TAFA2: variants seen among roughly 807,000 people sequenced by gnomAD.
TAFA2 encodes TAFA chemokine like family member 2.
A neutral mutation model predicts 18.8 loss-of-function variants in TAFA2; 7 were observed. That is an observed-to-expected ratio of 0.37 (90% CI 0.21 to 0.70). The LOEUF (loss-of-function observed/expected upper bound fraction) is 0.70. Among genes scored for constraint, TAFA2 ranks in the 30% least tolerant of loss-of-function variants. TAFA2 has a pLI of 0.53. For synonymous variants in TAFA2, 60 were observed against 54.2 expected (o/e 1.11, Z -0.47); for missense variants, 122 against 158.1 (o/e 0.77, Z 1.23).
chr12:62,142,346 T>G (rs1357360701), intron 1 of TAFA2, among the ~76,000 whole-genome samples: 2 of 152,206 alleles, frequency 1.3e-5, no homozygotes, highest in Non-Finnish European at 2.9e-5. Context: ...TTATAAATAC[T>G]GTAAGAAAAC....
At chr12:61,722,883 C>T (rs904733052) in intron 4 of TAFA2, among the ~76,000 whole-genome samples, 1 of 152,148 alleles carries the variant, frequency 6.6e-6, no homozygotes, top group South Asian at 2.1e-4. Flanking sequence ...TCTTTGCCAC[C>T]ATCATCCTGA....
At chr12:61,878,824 C>T (rs2121263788) in intron 1 of TAFA2, among the ~76,000 whole-genome samples, 1 of 152,250 alleles carries the variant, frequency 6.6e-6, no homozygotes, top group Non-Finnish European at 1.5e-5. Context: ...TCTATTTCCC[C>T]ACAAAGTATC....
At chr12:61,806,118 G>A (rs1300038768) in intron 2 of TAFA2, among the ~76,000 whole-genome samples, 1 of 152,100 alleles carries the variant, frequency 6.6e-6, no homozygotes, top group Non-Finnish European at 1.5e-5. Flanking sequence ...TTTTACTTTT[G>A]TATTTTATAT....
intron 2 of TAFA2, among the ~76,000 whole-genome samples, chr12:61,772,572 A>G (rs12371231): frequency 0.3 from 45,771 of 151,938 alleles, 7,257 homozygotes; most frequent in South Asian, 0.37. Context: ...GCAAGTCAAT[A>G]AATGCATTAC....
chr12:62,208,020 G>T (rs1409731135), intron 1 of TAFA2, among the ~76,000 whole-genome samples: 5 of 152,138 alleles, frequency 3.3e-5, no homozygotes, highest in African/African-American at 1.2e-4. Context: ...AGTGAGATGG[G>T]CAATCTTGGT....
chr12:62,217,386 A>AT (rs143613794), intron 1 of TAFA2, among the ~76,000 whole-genome samples: 3,053 of 152,300 alleles, frequency 0.02, 43 homozygotes, highest in African/African-American at 0.042. Flanking sequence ...GTTACACACC[A>AT]TTTTTTAAAA....
At chr12:61,929,538 C>A (rs996837071) in intron 1 of TAFA2, among the ~76,000 whole-genome samples, 1 of 152,058 alleles carries the variant, frequency 6.6e-6, no homozygotes, top group Non-Finnish European at 1.5e-5. Flanking sequence ...GAAATAGGAA[C>A]GTTTTTACAC....
intron 2 of TAFA2, among the ~76,000 whole-genome samples, chr12:61,796,855 G>T (rs186638712): frequency 5.3e-5 from 8 of 152,178 alleles, no homozygotes; most frequent in Admixed American, 1.3e-4. Context: ...GAAATGGCAT[G>T]GAGTCATGGT....
At position 62,192,321 on chromosome 12, in the gene TAFA2, G is replaced by C. The variant is rs1317016419; in HGVS notation, c.-1064C>G. On this transcript the variant is annotated 5_prime_UTR_variant, in exon 1 of 5. Transcript: ENST00000416284. ...AGTGCCCTGGCACCGTCACCACCGA[G>C]GAGGTGCGAGTTCCAACATCGAACA... 6.6e-6 allele frequency: 1 copy of C among 152,262 alleles called. No homozygotes were observed. The highest frequency in any genetic ancestry group is 1.5e-5 in the Non-Finnish European group (1 of 68,082). 9.4% of individuals were successfully genotyped at this position (152,262 alleles called of 1,614,324 possible). A position where few individuals can be genotyped will look rare whatever the true frequency, so the allele number is the denominator to read the frequency against.
intron 4 of TAFA2, among the ~76,000 whole-genome samples, chr12:61,726,634 A>G (rs1350690907): frequency 1.3e-5 from 2 of 151,916 alleles, no homozygotes; most frequent in East Asian, 3.9e-4. Flanking sequence ...AGCTTTTTGG[A>G]TGAGTCCTTA....
intron 1 of TAFA2, among the ~76,000 whole-genome samples, chr12:62,152,816 A>G (rs561347986): frequency 5.3e-5 from 8 of 152,336 alleles, no homozygotes; most frequent in African/African-American, 1.9e-4. Context: ...CCAGTTCTCC[A>G]GAAAATATTC....
chr12:62,101,760 T>C (rs1373964650), intron 1 of TAFA2, among the ~76,000 whole-genome samples: 4 of 152,208 alleles, frequency 2.6e-5, no homozygotes, highest in South Asian at 4.1e-4. Context: ...AGTCTAATAC[T>C]AGCCAATGGT....
At chr12:62,179,680 T>G (rs903300464) in intron 1 of TAFA2, among the ~76,000 whole-genome samples, 1 of 152,170 alleles carries the variant, frequency 6.6e-6, no homozygotes, top group African/African-American at 2.4e-5. Flanking sequence ...CCCCAAGAAT[T>G]TCAATGGATT....
chr12:61,769,583 C>G (rs1483496873), intron 2 of TAFA2, among the ~76,000 whole-genome samples: 2 of 152,140 alleles, frequency 1.3e-5, no homozygotes, highest in South Asian at 2.1e-4. Flanking sequence ...AGACACCCCC[C>G]AGTACTTGCC....
chr12:61,796,538 G>A (rs964366799), intron 2 of TAFA2, among the ~76,000 whole-genome samples: 2 of 152,052 alleles, frequency 1.3e-5, no homozygotes, highest in Non-Finnish European at 2.9e-5. Flanking sequence ...TTGGGAACTA[G>A]GGTGACTGGG....
chr12:61,918,925 G>C (rs1272287291), intron 1 of TAFA2, among the ~76,000 whole-genome samples: 1 of 152,142 alleles, frequency 6.6e-6, no homozygotes, highest in Non-Finnish European at 1.5e-5. Context: ...TTAATACCTG[G>C]CCTTTGCCTG....
intron 1 of TAFA2, among the ~76,000 whole-genome samples, chr12:61,978,211 T>C (rs1435544725): frequency 6.6e-6 from 1 of 152,004 alleles, no homozygotes; most frequent in Non-Finnish European, 1.5e-5. Flanking sequence ...AAATACTAAG[T>C]CTACCTGAGT....
At chr12:62,073,118 T>C (rs929569157) in intron 1 of TAFA2, among the ~76,000 whole-genome samples, 1 of 152,188 alleles carries the variant, frequency 6.6e-6, no homozygotes, top group Non-Finnish European at 1.5e-5. Context: ...ATCCAGTTTA[T>C]AGTATCATGG....
chr12:62,049,721 T>C (rs1207998565), intron 1 of TAFA2, among the ~76,000 whole-genome samples: 1 of 152,192 alleles, frequency 6.6e-6, no homozygotes. Flanking sequence ...AAAACCGAGT[T>C]TTCAGTATGA....
Sources: gnomAD v4.1 joint callset for allele counts (sites outside exome capture counted in the v4.1 genomes callset) on GRCh38, gnomAD v4.1.1 for gene constraint, MANE v1.5 for transcripts, NCBI Gene and HGNC (gene_info 2026-07-23, HGNC 2026-07-21) for gene names.